LHFPL5: variants seen among roughly 807,000 people sequenced by gnomAD.
The protein encoded by LHFPL5 is LHFPL tetraspan subfamily member 5, also known as LHFPL tetraspan subfamily member 5 protein.
Under a neutral mutation model 18.7 loss-of-function variants are expected in LHFPL5, and 12 were observed. The ratio of observed to expected loss-of-function variants is 0.64; its 90% CI spans 0.41 to 1.04. The LOEUF (loss-of-function observed/expected upper bound fraction) is 1.04, where lower values mean the gene tolerates loss of function less well. LHFPL5 is among the 50% of genes least tolerant of loss of function. LHFPL5 has a pLI of 0.00. For missense variants in LHFPL5, 259 were observed against 292.1 expected, an observed-to-expected ratio of 0.89 and a Z score of 0.83; for synonymous variants, 111 against 120.2, an observed-to-expected ratio of 0.92 and a Z score of 0.50.
At chr6:35,815,240 G>A (rs1005725825) in intron 2 of LHFPL5, among the ~76,000 whole-genome samples, 4 of 152,044 alleles carry the variant, frequency 2.6e-5, no homozygotes, top group East Asian at 3.9e-4. Flanking sequence ...GTGGGAGCCC[G>A]AGATCCCTGG....
At position 35,818,351 on chromosome 6, in the gene LHFPL5, AT is replaced by A. The variant is rs766409391; in HGVS notation, c.650-1061del. 7.9e-3 allele frequency among the ~76,000 whole-genome samples: 837 copies of A among 106,454 alleles called. 3 individuals carry two copies. Among genetic ancestry groups the A allele is most frequent in the African/African-American group, 0.027 (702 of 25,954 alleles). 69.8% of individuals were successfully genotyped at this position (106,454 alleles called of 152,430 possible). On this transcript the variant is annotated intron_variant, in intron 2 of 3. Transcript: ENST00000360215. ...TATATATATATATATATATATATGT[AT>A]TTTTTTTTTTTTTTTTTTTTTTTTG...
chr6:35,815,894 G>A (rs532322973), intron 2 of LHFPL5, among the ~76,000 whole-genome samples: 93 of 152,236 alleles, frequency 6.1e-4, no homozygotes, highest in Middle Eastern at 3.4e-3. Flanking sequence ...AAAACAGGCC[G>A]GGCACGGTGG....
intron 3 of LHFPL5, among the ~76,000 whole-genome samples, chr6:35,821,503 C>T (rs575891944): frequency 3.2e-5 from 4 of 126,886 alleles, no homozygotes; most frequent in South Asian, 2.6e-4. Flanking sequence ...GTTCTTGACA[C>T]GGAGTTTCAG....
chr6:35,808,581 ATATATATATAT>A (rs1768613207), intron 1 of LHFPL5, among the ~76,000 whole-genome samples: 1 of 119,442 alleles, frequency 8.4e-6, no homozygotes, highest in Non-Finnish European at 1.7e-5. Context: ...ATATATATAT[ATATATATATAT>A]ATATATATAT....
At chr6:35,820,981 G>A (rs1045616312) in intron 3 of LHFPL5, among the ~76,000 whole-genome samples, 3 of 152,098 alleles carry the variant, frequency 2.0e-5, no homozygotes, top group Non-Finnish European at 4.4e-5. Context: ...AAACTTCAGC[G>A]TGCATACAGT....
At chr6:35,809,292 G>A (rs184536029) in intron 1 of LHFPL5, among the ~76,000 whole-genome samples, 27 of 152,234 alleles carry the variant, frequency 1.8e-4, no homozygotes, top group African/African-American at 6.0e-4. Context: ...AATTACCATA[G>A]ATTAGGGGGC....
At chr6:35,811,963 A>G (rs1768671832) in intron 1 of LHFPL5, among the ~76,000 whole-genome samples, 1 of 152,234 alleles carries the variant, frequency 6.6e-6, no homozygotes, top group African/African-American at 2.4e-5. Flanking sequence ...CAGGAAAGTC[A>G]GGAATGGAGA....
At chr6:35,821,449 T>TTGTGTG (rs34049571) in intron 3 of LHFPL5, among the ~76,000 whole-genome samples, 1,302 of 120,406 alleles carry the variant, frequency 0.011, 10 homozygotes, top group African/African-American at 0.027. Context: ...AGCATAATCT[T>TTGTGTG]TGTGTGTGTG....
At chr6:35,821,694 T>C (rs1768870863) in intron 3 of LHFPL5, among the ~76,000 whole-genome samples, 1 of 151,874 alleles carries the variant, frequency 6.6e-6, no homozygotes, top group African/African-American at 2.4e-5. Context: ...TTGGTCATGC[T>C]GGTCTCGAAC....
intron 1 of LHFPL5, among the ~76,000 whole-genome samples, chr6:35,811,985 G>C: frequency 6.6e-6 from 1 of 152,186 alleles, no homozygotes; most frequent in East Asian, 1.9e-4. Context: ...CTCAGGCCTT[G>C]GCCCTGTCAT....
intron 1 of LHFPL5, among the ~76,000 whole-genome samples, chr6:35,812,836 C>T (rs60696013): frequency 0.26 from 39,670 of 152,092 alleles, 5,343 homozygotes; most frequent in South Asian, 0.28. Flanking sequence ...CGGCGGATCA[C>T]TTGAACCCAG....
rs886061353 is a variant in LHFPL5, at chr6:35,823,426, T to TATATACACACAC, written c.*462_*463insTATACACACACA. 1 of 59,324 alleles carries TATATACACACAC rather than the reference T, an allele frequency of 1.7e-5. No homozygotes were observed. Among genetic ancestry groups the TATATACACACAC allele is most frequent in the African/African-American group, 6.4e-5 (1 of 15,516 alleles). 3.7% of individuals were successfully genotyped at this position (59,324 alleles called of 1,614,324 possible). Reference sequence around the variant, plus strand: ...ACACACACACACACACACACACACATACATACACACACACATATATATACA... The same window carrying TATATACACACAC: ...ACACACACACACACACACACACACATATATACACACACACATACACACACACATATATATACA... On this transcript the variant is annotated 3_prime_UTR_variant, in exon 4 of 4. Transcript: ENST00000360215.
At chr6:35,806,230 T>G (rs1768567577) in intron 1 of LHFPL5, 148 bp downstream of exon 1, 2 of 851,222 alleles carry the variant, frequency 2.3e-6, no homozygotes, top group Non-Finnish European at 3.6e-6. Flanking sequence ...CAGAAGATTC[T>G]GAGGAGTTGA....
intron 1 of LHFPL5, among the ~76,000 whole-genome samples, chr6:35,809,046 C>T (rs1189957467): frequency 5.9e-5 from 9 of 152,124 alleles, no homozygotes; most frequent in African/African-American, 2.4e-5. Flanking sequence ...CATTAGTACC[C>T]TTGCCAAGAA....
At chr6:35,819,410 C>G (rs759877725) in intron 2 of LHFPL5, 27 bp from the exon 3 acceptor site, 1 of 1,612,570 alleles carries the variant, frequency 6.2e-7, no homozygotes, top group South Asian at 1.1e-5. Context: ...TTGGTAGTAA[C>G]GTATACTGTT....
At chr6:35,807,848 A>G (rs1413863994) in intron 1 of LHFPL5, among the ~76,000 whole-genome samples, 1 of 152,240 alleles carries the variant, frequency 6.6e-6, no homozygotes, top group African/African-American at 2.4e-5. Context: ...CCACATATTT[A>G]CATAAGTATA....
At position 35,805,703 on chromosome 6, in the gene LHFPL5, C is replaced by A. The variant is rs201808800; in HGVS notation, c.33C>A (p.Ala11=). Residue 11 remains alanine, a synonymous_variant, in exon 1 of 4, where the codon GCC becomes GCA. Transcript: ENST00000360215. This position sits in a 1 kb window ranked among gnomAD's most constrained non-coding sequence, Gnocchi z 4.3. The part of the protein sequence containing the change: MVKLLPAQEA[A]KIYHTNYVRN... ...AATTGCTGCCGGCCCAGGAGGCAGC[C>A]AAGATCTACCATACCAACTATGTGC... is the stretch of plus-strand genomic sequence containing the variant. 6.2e-7 allele frequency: 1 copy of A among 1,614,180 alleles called. No individual in the cohort carries two copies. The highest frequency in any genetic ancestry group is 2.2e-5 in the East Asian group (1 of 44,874).
At chr6:35,815,827 TTTCATCC>T (rs1156445823) in intron 2 of LHFPL5, among the ~76,000 whole-genome samples, 7 of 152,138 alleles carry the variant, frequency 4.6e-5, no homozygotes, top group Non-Finnish European at 1.0e-4. Flanking sequence ...ATAGGAAACA[TTTCATCC>T]TTCTTTGGGG....
chr6:35,818,341 ATATATATGTATT>A (rs1347825340), intron 2 of LHFPL5, among the ~76,000 whole-genome samples: 1,688 of 12,938 alleles, frequency 0.13, 41 homozygotes, highest in Middle Eastern at 0.24. Context: ...ATATATATAT[ATATATATGTATT>A]TTTTTTTTTT....
Sources: gnomAD v4.1 joint callset for allele counts (sites outside exome capture counted in the v4.1 genomes callset) on GRCh38, gnomAD v4.1.1 for gene constraint, Gnocchi (gnomAD v3.1) non-coding constraint, MANE v1.5 for transcripts, NCBI Gene and HGNC (gene_info 2026-07-23, HGNC 2026-07-21) for gene names.